The following CCDC77 variants were observed in gnomAD, a reference collection of about 807,000 sequenced individuals.
CCDC77 encodes coiled-coil domain-containing protein 77.
In CCDC77, 56 loss-of-function variants were observed where a neutral mutation model predicts 66.8. The ratio of observed to expected loss-of-function variants is 0.84; its 90% CI spans 0.68 to 1.05. The LOEUF is 1.05. CCDC77 is among the 50% of genes least tolerant of loss of function. CCDC77 has a pLI of 0.00. For missense variants in CCDC77, 570 were observed against 576.8 expected (o/e 0.99, Z 0.12); for synonymous variants, 196 against 195.2 (o/e 1.00, Z -0.03).
intron 10 of CCDC77, among the ~76,000 whole-genome samples, chr12:440,045 A>G (rs1280312244): frequency 6.6e-6 from 1 of 152,206 alleles, no homozygotes; most frequent in African/African-American, 2.4e-5. Context: ...GAAGGCTGTC[A>G]TCATGGTTGT....
intron 1 of CCDC77, chr12:389,548 A>ACGGGGCAAGG: frequency 4.1e-5 from 1 of 24,292 alleles, no homozygotes; most frequent in Admixed American, 1.0e-3. Context: ...AGGGAAGCCG[A>ACGGGGCAAGG]CGGGGCGAGG....
chr12:415,418 TATTAACATA>T (rs1945223846), intron 4 of CCDC77, among the ~76,000 whole-genome samples: 2 of 139,626 alleles, frequency 1.4e-5, no homozygotes, highest in Non-Finnish European at 3.0e-5. Flanking sequence ...ATGTTGATAT[TATTAACATA>T]ATTAACATAA....
chr12:402,670 G>T (rs1301329267), intron 1 of CCDC77, among the ~76,000 whole-genome samples: 1 of 152,218 alleles, frequency 6.6e-6, no homozygotes, highest in African/African-American at 2.4e-5. Flanking sequence ...GCTATGAGGT[G>T]CTACTGATGT....
intron 1 of CCDC77, among the ~76,000 whole-genome samples, chr12:394,094 A>G (rs1179114548): frequency 6.6e-6 from 1 of 152,182 alleles, no homozygotes; most frequent in Non-Finnish European, 1.5e-5. Context: ...TTGCCAACAA[A>G]TACCATTAGT....
chr12:424,040 G>A (rs1193603145), intron 5 of CCDC77, among the ~76,000 whole-genome samples: 2 of 152,012 alleles, frequency 1.3e-5, no homozygotes, highest in East Asian at 1.9e-4. Flanking sequence ...GCGTGATCAC[G>A]GCTCACTGCA....
chr12:430,496 C>T (rs975437720), intron 6 of CCDC77, among the ~76,000 whole-genome samples, 168 bp from the exon 7 acceptor site: 1 of 152,180 alleles, frequency 6.6e-6, no homozygotes, highest in Non-Finnish European at 1.5e-5. Context: ...GGGTTTTATC[C>T]AGTTTGCTAC....
intron 4 of CCDC77, among the ~76,000 whole-genome samples, chr12:416,122 G>A (rs1046324199): frequency 1.3e-5 from 2 of 151,148 alleles, no homozygotes; most frequent in African/African-American, 4.9e-5. Context: ...TTTATTTTTT[G>A]TAAAGACAGA....
intron 5 of CCDC77, among the ~76,000 whole-genome samples, chr12:427,619 T>C (rs962060808): frequency 1.2e-4 from 18 of 151,602 alleles, no homozygotes; most frequent in Non-Finnish European, 2.2e-4. Context: ...GGATTACAGG[T>C]GCACGCCACC....
At chr12:413,247 GTTTT>G (rs1053562192) in intron 4 of CCDC77, among the ~76,000 whole-genome samples, 1 of 135,572 alleles carries the variant, frequency 7.4e-6, no homozygotes, top group Non-Finnish European at 1.6e-5. Flanking sequence ...CTGTTTTTTT[GTTTT>G]TTTGAGACAG....
At chr12:407,147 A>G (rs1209333025) in intron 2 of CCDC77, among the ~76,000 whole-genome samples, 1 of 152,230 alleles carries the variant, frequency 6.6e-6, no homozygotes, top group East Asian at 1.9e-4. Context: ...ATCTAAAACA[A>G]CAAAAGCAAA....
In CCDC77 at chr12:438,541, G is replaced by C. The variant is rs1269761737; in HGVS notation, c.1028G>C (p.Ser343Thr). Residue 343 changes from serine (S) to threonine (T), a missense_variant, in exon 10 of 13, where the codon AGT becomes ACT. By Grantham distance (58) the Ser-to-Thr change is moderately conservative. Coordinates refer to ENST00000239830, the MANE Select transcript of CCDC77 (RefSeq NM_032358.4). ...PVMHESHHAQ[S>T]EYIKSLKDKL... ...ATGCATGAGAGTCACCATGCTCAAA[G>C]TGAATATATTAAGGTAATGTCCTTA... 2 of 1,611,262 alleles carry C rather than the reference G, an allele frequency of 1.2e-6. No homozygotes were observed. The highest frequency in any genetic ancestry group is 1.3e-5 in the African/African-American group (1 of 74,916).
chr12:433,441 T>C, intron 9 of CCDC77, 119 bp downstream of exon 9: 1 of 1,463,936 alleles, frequency 6.8e-7, no homozygotes, highest in Non-Finnish European at 9.0e-7. Flanking sequence ...TTGAAAAGAC[T>C]GTCTTCCTCA....
At chr12:415,921 T>A (rs947095012) in intron 4 of CCDC77, among the ~76,000 whole-genome samples, 8 of 152,068 alleles carry the variant, frequency 5.3e-5, no homozygotes, top group Non-Finnish European at 1.0e-4. Flanking sequence ...TTCTCCTGCC[T>A]CAGCCTCCTG....
intron 4 of CCDC77, among the ~76,000 whole-genome samples, chr12:413,869 C>T (rs558539898): frequency 3.3e-5 from 5 of 151,698 alleles, no homozygotes; most frequent in African/African-American, 1.2e-4. Context: ...TTCAGGCAAC[C>T]TGCCTGCCTC....
At chr12:409,520 A>G in intron 3 of CCDC77, 99 bp downstream of exon 3, 2 of 1,193,584 alleles carry the variant, frequency 1.7e-6, no homozygotes, top group South Asian at 1.3e-5. Flanking sequence ...CATATTTCCT[A>G]AAGTTTTTTT....
At chr12:427,940 C>G (rs972054060) in intron 5 of CCDC77, among the ~76,000 whole-genome samples, 2 of 152,154 alleles carry the variant, frequency 1.3e-5, no homozygotes, top group African/African-American at 2.4e-5. Flanking sequence ...TCGTCCAACA[C>G]GATAGGGATC....
rs758269038 is a variant in CCDC77 at position 438,513 on chromosome 12, G to A, written c.1000G>A (p.Val334Ile). 1.2e-5 allele frequency: 19 copies of A among 1,613,658 alleles called. No homozygotes were observed. The highest frequency in any genetic ancestry group is 1.7e-4 in the Middle Eastern group (1 of 6,060). ...AGATAAAATTGGAAAAGTGTTGCCC[G>A]TTATGCATGAGAGTCACCATGCTCA... ...KEDKIGKVLP[V>I]MHESHHAQSE... Residue 334 changes from valine to isoleucine, a missense_variant, in exon 10 of 13, where the codon GTT (valine) becomes ATT (isoleucine). Transcript: ENST00000239830.
intron 9 of CCDC77, among the ~76,000 whole-genome samples, chr12:433,854 A>T (rs1945698127): frequency 6.6e-6 from 1 of 152,094 alleles, no homozygotes. Flanking sequence ...CTTCTATGAA[A>T]TTTTTGTCCC....
At position 411,784 on chromosome 12, in the gene CCDC77, G is replaced by T. The variant is rs1247437656; in HGVS notation, c.76G>T (p.Gly26Cys). Reference sequence around the variant, plus strand: ...CTCCAAACGTGGTGTTGCCGTCAGTGGTCCCACCAAGAGGAGGGGAATGGC... The same window carrying T: ...CTCCAAACGTGGTGTTGCCGTCAGTTGTCCCACCAAGAGGAGGGGAATGGC... ...VVSKRGVAVS[G>C]PTKRRGMADS... The change falls in exon 4 of 13, where the codon GGT (glycine) becomes TGT (cysteine). Residue 26 changes from glycine to cysteine, a missense_variant. Coordinates refer to ENST00000239830, the MANE Select transcript of CCDC77 (RefSeq NM_032358.4). 1 of 1,613,906 alleles carries T rather than the reference G, an allele frequency of 6.2e-7. No homozygotes were observed. Among genetic ancestry groups the T allele is most frequent in the Non-Finnish European group, 8.5e-7 (1 of 1,179,980 alleles).
Sources: gnomAD v4.1 joint callset for allele counts (sites outside exome capture counted in the v4.1 genomes callset) on GRCh38, gnomAD v4.1.1 for gene constraint, MANE v1.5 for transcripts, NCBI Gene and HGNC (gene_info 2026-07-23, HGNC 2026-07-21) for gene names.